The following NTM variants were observed in gnomAD, a reference collection of about 807,000 sequenced individuals.
The protein encoded by NTM is IgLON family member 2.
NTM carries 13 observed loss-of-function variants against 42.1 expected under a neutral mutation model. The observed-to-expected ratio is 0.31, with a 90% CI of 0.20 to 0.49. NTM has a LOEUF of 0.49. Ranked by LOEUF, NTM falls within the 20% of genes least tolerant of loss-of-function variation. NTM has a pLI of 0.99. For missense variants in NTM, 373 were observed against 452.8 expected (o/e 0.82, Z 1.60); for synonymous variants, 187 against 179.2 (o/e 1.04, Z -0.35).
intron 2 of NTM, among the ~76,000 whole-genome samples, chr11:131,978,374 C>T (rs531912732): frequency 1.3e-5 from 2 of 152,202 alleles, no homozygotes; most frequent in East Asian, 3.9e-4. Flanking sequence ...TTTTAGAACA[C>T]CTAGTCTGGT....
intron 1 of NTM, among the ~76,000 whole-genome samples, chr11:131,771,900 C>A (rs915246529): frequency 6.6e-6 from 1 of 152,136 alleles, no homozygotes; most frequent in South Asian, 2.1e-4. Context: ...GCTGAATTGG[C>A]CCCATCGTGA....
At chr11:131,461,380 G>C (rs10160388) in intron 1 of NTM, among the ~76,000 whole-genome samples, 99,525 of 151,990 alleles carry the variant, frequency 0.65, 33,086 homozygotes, top group East Asian at 0.83. Flanking sequence ...GATACCTACC[G>C]ATATTTAACA....
At chr11:131,955,680 T>G (rs1022696405) in intron 2 of NTM, among the ~76,000 whole-genome samples, 4 of 151,926 alleles carry the variant, frequency 2.6e-5, no homozygotes, top group African/African-American at 4.8e-5. Flanking sequence ...GAAGGACCCA[T>G]GTCCCTCCCA....
At chr11:131,975,098 A>G (rs1405389706) in intron 2 of NTM, among the ~76,000 whole-genome samples, 1 of 152,196 alleles carries the variant, frequency 6.6e-6, no homozygotes. Context: ...ATTCAGGTAC[A>G]GTAATATAAC....
intron 1 of NTM, among the ~76,000 whole-genome samples, chr11:131,874,008 ATATAT>A (rs2048186648): frequency 1.4e-5 from 1 of 72,312 alleles, no homozygotes; most frequent in African/African-American, 3.6e-5. Context: ...TTTACATATA[ATATAT>A]TTATATAATA....
chr11:132,227,593 C>A (rs553956822), intron 4 of NTM, among the ~76,000 whole-genome samples: 3 of 152,100 alleles, frequency 2.0e-5, no homozygotes, highest in African/African-American at 7.2e-5. Flanking sequence ...GTTGTTCCTC[C>A]TCCTCAAATA....
chr11:132,309,618 TGAAAG>T (rs970042654), intron 5 of NTM, among the ~76,000 whole-genome samples: 28 of 152,286 alleles, frequency 1.8e-4, no homozygotes, highest in African/African-American at 6.5e-4. Flanking sequence ...AAGCAGTACA[TGAAAG>T]GAAGACCCAG....
intron 1 of NTM, among the ~76,000 whole-genome samples, chr11:131,876,861 T>C (rs2048607268): frequency 7.3e-6 from 1 of 136,542 alleles, no homozygotes; most frequent in Non-Finnish European, 1.6e-5. Context: ...AAAGCATAAC[T>C]TTTTTTTTTT....
chr11:131,511,160 C>T (rs407056), intron 1 of NTM, among the ~76,000 whole-genome samples: 22,782 of 143,844 alleles, frequency 0.16, 1,839 homozygotes, highest in Middle Eastern at 0.23. Context: ...AGGAGCTCAT[C>T]GTACACTCCT....
chr11:131,372,355 C>T (rs999825135), intron 1 of NTM, among the ~76,000 whole-genome samples: 1 of 152,084 alleles, frequency 6.6e-6, no homozygotes, highest in Non-Finnish European at 1.5e-5. Context: ...CCTGCTGTCC[C>T]CTAGGGGCTT....
At chr11:132,014,602 T>G (rs1454497904) in intron 2 of NTM, among the ~76,000 whole-genome samples, 1 of 152,116 alleles carries the variant, frequency 6.6e-6, no homozygotes, top group East Asian at 1.9e-4. Flanking sequence ...GATATCTTGT[T>G]GTGGTTTTGA....
At chr11:131,928,975 G>T (rs2058276859) in intron 2 of NTM, among the ~76,000 whole-genome samples, 1 of 152,142 alleles carries the variant, frequency 6.6e-6, no homozygotes, top group African/African-American at 2.4e-5. Context: ...TGTTCCCATA[G>T]TGTGTAGTTT....
At chr11:131,992,995 G>A (rs1463717177) in intron 2 of NTM, among the ~76,000 whole-genome samples, 1 of 152,070 alleles carries the variant, frequency 6.6e-6, no homozygotes, top group East Asian at 1.9e-4. Flanking sequence ...GTACTTCTGG[G>A]GGTTTACCCA....
At chr11:131,814,845 C>G (rs2092883695) in intron 1 of NTM, among the ~76,000 whole-genome samples, 1 of 152,180 alleles carries the variant, frequency 6.6e-6, no homozygotes, top group Non-Finnish European at 1.5e-5. Flanking sequence ...ATCTTGATTT[C>G]TTTCTATTCC....
At chr11:131,376,727 AT>A (rs1407504286) in intron 1 of NTM, among the ~76,000 whole-genome samples, 1 of 150,194 alleles carries the variant, frequency 6.7e-6, no homozygotes, top group Non-Finnish European at 1.5e-5. Flanking sequence ...GAAAAGACTG[AT>A]CAAAAGACTG....
At position 132,146,727 on chromosome 11, in the gene NTM, G is replaced by A. The variant is rs966824609; in HGVS notation, c.400+213G>A. The A allele has an allele frequency of 1.1e-5, 5 of 469,364 alleles. No individual in the cohort carries two copies. In the East Asian group the frequency reaches 1.6e-4, roughly 15 times the overall value. 29.1% of individuals were successfully genotyped at this position (469,364 alleles called of 1,614,324 possible). ...ACTAGGAATTGTTTTTTTCATTTTT[G>A]TTCCAATAATATATTTTCTCAGGAA... On this transcript the variant is annotated intron_variant, in intron 3 of 8. Coordinates refer to ENST00000683400, the MANE Select transcript of NTM (RefSeq NM_001352005.2). This position sits in a 1 kb window ranked among gnomAD's most constrained non-coding sequence, Gnocchi z 4.5.
rs549717590 is a variant in NTM at position 131,699,966 on chromosome 11, T to G, written c.83-211598T>G. Among the ~76,000 whole-genome samples, 13 of 141,490 alleles carry G rather than the reference T, an allele frequency of 9.2e-5. No homozygotes were observed. In the South Asian group the frequency reaches 3.1e-3, roughly 34 times the overall value. The allele number at this position is 141,490 out of a possible 152,430, so 92.8% of individuals were successfully genotyped here. ...TGTGTGTGTGTGTGTGTGTGTGTAT[T>G]CAGTATCTTGAACTAGACCACTGCT... On this transcript the variant is annotated intron_variant, in intron 1 of 8. Coordinates refer to ENST00000683400, the MANE Select transcript of NTM (RefSeq NM_001352005.2).
chr11:132,019,700 A>C (rs1037093737), intron 2 of NTM, among the ~76,000 whole-genome samples: 1 of 151,990 alleles, frequency 6.6e-6, no homozygotes, highest in Non-Finnish European at 1.5e-5. Context: ...TGTTACTTTT[A>C]ACCTCTTTTT....
intron 2 of NTM, among the ~76,000 whole-genome samples, chr11:132,138,773 C>T (rs2068499660): frequency 1.3e-5 from 2 of 152,182 alleles, no homozygotes; most frequent in African/African-American, 4.8e-5. Context: ...CCTTCCTCCA[C>T]TCTTTCATTC....
Sources: allele counts gnomAD v4.1 joint callset (sites outside exome capture counted in the v4.1 genomes callset), GRCh38; gene constraint gnomAD v4.1.1; non-coding constraint Gnocchi (gnomAD v3.1); transcripts MANE v1.5; gene names NCBI Gene and HGNC (gene_info 2026-07-23, HGNC 2026-07-21).